HDLBP: variants seen among roughly 807,000 people sequenced by gnomAD.
The protein encoded by HDLBP is high density lipoprotein binding protein, also known as vigilin.
HDLBP carries 30 observed loss-of-function variants against 137.3 expected under a neutral mutation model. That is an observed-to-expected ratio of 0.22 (90% CI 0.16 to 0.30). The LOEUF (loss-of-function observed/expected upper bound fraction) is 0.30, where lower values mean the gene tolerates loss of function less well. Among genes scored for constraint, HDLBP ranks in the 10% least tolerant of loss-of-function variants. HDLBP has a pLI of 1.00. For synonymous variants in HDLBP, 606 were observed against 596.0 expected, an observed-to-expected ratio of 1.02 and a Z score of -0.24; for missense variants, 1,119 against 1,667.3, an observed-to-expected ratio of 0.67 and a Z score of 5.73.
intron 1 of HDLBP, among the ~76,000 whole-genome samples, chr2:241,300,956 T>C (rs1189507088): frequency 2.0e-5 from 1 of 49,370 alleles, no homozygotes; most frequent in Non-Finnish European, 4.3e-5. Flanking sequence ...CATACTATTA[T>C]TATTATTATT....
At chr2:241,277,918 G>A (rs936422464) in intron 1 of HDLBP, among the ~76,000 whole-genome samples, 7 of 151,994 alleles carry the variant, frequency 4.6e-5, no homozygotes, top group East Asian at 1.9e-4. Context: ...CCGAGACCAC[G>A]CCATTGCACT....
chr2:241,255,063 C>G lies in HDLBP; in HGVS notation c.1176G>C (p.Gln392His). Residue 392 changes from glutamine to histidine, a missense_variant, in exon 9 of 28, where the codon CAG (glutamine) becomes CAC (histidine). Gln to His is a conservative substitution (Grantham distance 24). Transcript: ENST00000310931. ...KKGQNLAKIT[Q>H]QMPKVHIEFT... is the part of the protein sequence containing the mutation. The stretch of plus-strand genomic sequence containing the variant: ...AACGTGTCCTTACCTTTGGCATCTG[C>G]TGAGTGATTTTGGCCAGGTTCTGCC... 6.2e-7 allele frequency: 1 copy of G among 1,612,298 alleles called. No homozygotes were observed. The highest frequency in any genetic ancestry group is 8.5e-7 in the Non-Finnish European group (1 of 1,178,336).
At chr2:241,246,661 A>G in intron 16 of HDLBP, 91 bp downstream of exon 16, 1 of 1,303,356 alleles carries the variant, frequency 7.7e-7, no homozygotes, top group Non-Finnish European at 1.1e-6. Flanking sequence ...GCGCTGGCCC[A>G]ATGACCCTGC....
chr2:241,239,767 G>A lies in HDLBP; in HGVS notation c.2445C>T (p.Phe815=), dbSNP rs1156783722. 1.5e-5 allele frequency: 24 copies of A among 1,614,028 alleles called. No homozygotes were observed. The Admixed American group carries it at 3.2e-4, about 21-fold the overall frequency. The part of the protein sequence containing the change: ...MLVDPKHHRH[F]VIRRGQVLRE... ...GCAAGACCTGGCCTCTGCGGATGAC[G>A]AAGTGGCGGTGGTGCTTGGGGTCCA... Residue 815 remains phenylalanine, a synonymous_variant, in exon 19 of 28, where the codon TTC becomes TTT. Coordinates refer to ENST00000310931, the MANE Select transcript of HDLBP (RefSeq NM_005336.6). The surrounding 1 kb of genome is among the most constrained non-coding windows in gnomAD (Gnocchi z 4.6).
intron 1 of HDLBP, among the ~76,000 whole-genome samples, chr2:241,289,557 C>T (rs893302169): frequency 6.6e-6 from 1 of 152,212 alleles, no homozygotes; most frequent in Non-Finnish European, 1.5e-5. Flanking sequence ...AACTGACATA[C>T]ATCCAGGGAG....
intron 5 of HDLBP, among the ~76,000 whole-genome samples, chr2:241,261,758 C>A (rs567993740): frequency 7.9e-5 from 12 of 152,306 alleles, no homozygotes; most frequent in Admixed American, 6.5e-4. Context: ...TGTCCCGATG[C>A]CCCCATGTGG....
intron 1 of HDLBP, chr2:241,315,121 G>C (rs1266243133): frequency 6.6e-6 from 1 of 151,996 alleles, no homozygotes; most frequent in Non-Finnish European, 1.5e-5. Context: ...CACACCAGAA[G>C]GAGAAAGCTA....
intron 1 of HDLBP, among the ~76,000 whole-genome samples, chr2:241,296,717 A>G (rs1335682824): frequency 1.3e-5 from 2 of 152,384 alleles, no homozygotes; most frequent in Non-Finnish European, 1.5e-5. Context: ...TTCAGTGTTT[A>G]TAATGGTGAG....
intron 1 of HDLBP, chr2:241,273,599 C>T (rs992575937): frequency 1.0e-6 from 1 of 985,236 alleles, no homozygotes; most frequent in Non-Finnish European, 1.2e-6. Context: ...TAAAGGGAGT[C>T]GAGCAATCTG....
At chr2:241,287,040 T>A (rs949498568) in intron 1 of HDLBP, among the ~76,000 whole-genome samples, 4 of 151,942 alleles carry the variant, frequency 2.6e-5, no homozygotes, top group African/African-American at 9.7e-5. Flanking sequence ...TAAATAAACC[T>A]CTGTGCCTCA....
chr2:241,247,985 G>A lies in HDLBP; in HGVS notation c.1731+18C>T, dbSNP rs763539790. ...CCCCAGGTGCTGTCATACAAGAAAG[G>A]ATGTGAAACACCCCTACCAGATCTG... On this transcript the variant is annotated intron_variant, in intron 14 of 27. Transcript: ENST00000310931. The A allele has an allele frequency of 1.9e-6, 3 of 1,562,830 alleles. No homozygotes were observed. The Admixed American group carries it at 5.0e-5, about 26-fold the overall frequency.
intron 1 of HDLBP, among the ~76,000 whole-genome samples, chr2:241,304,207 T>C (rs1187063259): frequency 6.6e-6 from 1 of 152,250 alleles, no homozygotes; most frequent in Non-Finnish European, 1.5e-5. Flanking sequence ...GCACCTGCCA[T>C]GATCAAGTTA....
intron 9 of HDLBP, 86 bp downstream of exon 9, chr2:241,254,965 G>T: frequency 9.3e-7 from 1 of 1,073,926 alleles, no homozygotes; most frequent in Non-Finnish European, 1.4e-6. Flanking sequence ...GGCATCCACA[G>T]TACAAAGGTC....
chr2:241,295,432 G>A (rs746937612), intron 1 of HDLBP, among the ~76,000 whole-genome samples: 3 of 152,184 alleles, frequency 2.0e-5, no homozygotes, highest in Admixed American at 6.5e-5. Context: ...TGAAGCTCTA[G>A]TAACAGTGAA....
chr2:241,314,938 C>T (rs1231237538), intron 1 of HDLBP, among the ~76,000 whole-genome samples: 2 of 152,124 alleles, frequency 1.3e-5, no homozygotes, highest in Non-Finnish European at 2.9e-5. Context: ...TGCAGTGCCT[C>T]CAGGCCACGC....
At chr2:241,254,491 T>C (rs1019595387) in intron 9 of HDLBP, among the ~76,000 whole-genome samples, 5 of 151,576 alleles carry the variant, frequency 3.3e-5, no homozygotes, top group Non-Finnish European at 7.4e-5. Context: ...AAAGTATTTT[T>C]TTTTTTTTTT....
At chr2:241,273,236 G>A (rs2074247593) in intron 1 of HDLBP, 1 of 985,440 alleles carries the variant, frequency 1.0e-6, no homozygotes, top group South Asian at 4.7e-5. Context: ...CTACAGCGCA[G>A]TGAGGCTCCC....
At chr2:241,250,887 A>C (rs990376966) in intron 11 of HDLBP, 1 of 152,092 alleles carries the variant, frequency 6.6e-6, no homozygotes, top group Non-Finnish European at 1.5e-5. Context: ...AAAACAGAAC[A>C]GACATGACTG....
At position 241,292,810 on chromosome 2, in the gene HDLBP, G is replaced by A. The variant is rs757557484; in HGVS notation, c.-103+22760C>T. On this transcript the variant is annotated intron_variant, in intron 1 of 27. Transcript: ENST00000310931. ...TATATTTTGAAGTTTTCCCAACAAG[G>A]TTTAAAAAAGGAAAAGAAACCTGGG... Among the ~76,000 whole-genome samples the A allele has an allele frequency of 3.3e-5, 5 of 152,140 alleles. No individual in the cohort carries two copies. In the East Asian group the frequency reaches 5.8e-4, roughly 18 times the overall value.
Sources: allele counts gnomAD v4.1 joint callset (sites outside exome capture counted in the v4.1 genomes callset), GRCh38; gene constraint gnomAD v4.1.1; non-coding constraint Gnocchi (gnomAD v3.1); transcripts MANE v1.5; gene names NCBI Gene and HGNC (gene_info 2026-07-23, HGNC 2026-07-21).